The following PIK3C2B variants were observed in gnomAD, a reference collection of about 807,000 sequenced individuals.
PIK3C2B encodes phosphatidylinositol-4-phosphate 3-kinase catalytic subunit type 2 beta, also known as phosphatidylinositol 4-phosphate 3-kinase C2 domain-containing subunit beta.
A neutral mutation model predicts 184.3 loss-of-function variants in PIK3C2B; 83 were observed. That is an observed-to-expected ratio of 0.45 (90% CI 0.38 to 0.54). The LOEUF (loss-of-function observed/expected upper bound fraction) is 0.54. Ranked by LOEUF, PIK3C2B falls within the 20% of genes least tolerant of loss-of-function variation. The pLI is 0.00. For synonymous variants in PIK3C2B, 779 were observed against 837.6 expected (o/e 0.93, Z 1.21); for missense variants, 1,736 against 2,113.5 (o/e 0.82, Z 3.50).
chr1:204,468,048 A>C (rs1397851517), intron 2 of PIK3C2B, among the ~76,000 whole-genome samples: 6 of 152,132 alleles, frequency 3.9e-5, no homozygotes, highest in Admixed American at 6.5e-5. Flanking sequence ...GCTATTTTAC[A>C]CTATGTACTG....
chr1:204,476,562 A>AAATTT (rs1258836203), intron 1 of PIK3C2B, among the ~76,000 whole-genome samples: 1 of 152,162 alleles, frequency 6.6e-6, no homozygotes, highest in Non-Finnish European at 1.5e-5. Context: ...AAATTAAATT[A>AAATTT]AAATTTAAAT....
chr1:204,428,120 C>A lies in PIK3C2B; in HGVS notation c.4480+19G>T. The A allele has an allele frequency of 6.6e-7, 1 of 1,505,742 alleles. No homozygotes were observed. The highest frequency in any genetic ancestry group is 9.2e-7 in the Non-Finnish European group (1 of 1,082,192). The allele number at this position is 1,505,742 out of a possible 1,614,324, so 93.3% of individuals were successfully genotyped here. A position where few individuals can be genotyped will look rare whatever the true frequency, so the allele number is the denominator to read the frequency against. On this transcript the variant is annotated intron_variant, in intron 30 of 32. Coordinates refer to ENST00000684373, the MANE Select transcript of PIK3C2B (RefSeq NM_001377334.1). ...AGTTCAGAGGAGTTGGCAGTAAGGT[C>A]TCAGAGAAGATACTGTACCTGAGGA...
chr1:204,460,235 A>T, intron 7 of PIK3C2B, 89 bp downstream of exon 7: 1 of 1,068,212 alleles, frequency 9.4e-7, no homozygotes, highest in Non-Finnish European at 1.4e-6. Context: ...AGAATCCCTT[A>T]GCCCTGACAG....
At chr1:204,472,816 G>A (rs1191867758) in intron 1 of PIK3C2B, among the ~76,000 whole-genome samples, 1 of 152,092 alleles carries the variant, frequency 6.6e-6, no homozygotes, top group African/African-American at 2.4e-5. Flanking sequence ...ATACTCTCAA[G>A]AGATTCTGAT....
intron 18 of PIK3C2B, among the ~76,000 whole-genome samples, 155 bp downstream of exon 18, chr1:204,443,913 C>A (rs1191145277): frequency 6.6e-6 from 1 of 152,148 alleles, no homozygotes; most frequent in Non-Finnish European, 1.5e-5. Context: ...TGAGCTGAGA[C>A]CCCTGAGGAA....
At chr1:204,494,112 G>A (rs890646232) in intron 1 of PIK3C2B, among the ~76,000 whole-genome samples, 1 of 152,224 alleles carries the variant, frequency 6.6e-6, no homozygotes, top group Non-Finnish European at 1.5e-5. Flanking sequence ...AGCCCCAGAG[G>A]CCCTGAAGCT....
intron 1 of PIK3C2B, among the ~76,000 whole-genome samples, chr1:204,476,765 T>C (rs1366697570): frequency 6.6e-6 from 1 of 152,146 alleles, no homozygotes; most frequent in African/African-American, 2.4e-5. Context: ...CCCCACACAT[T>C]GTATTCTATG....
At chr1:204,468,748 G>A in intron 2 of PIK3C2B, 122 bp downstream of exon 2, 1 of 864,662 alleles carries the variant, frequency 1.2e-6, no homozygotes, top group East Asian at 2.7e-5. Flanking sequence ...GTCCCAAAGA[G>A]GGTAGGAGAG....
rs747037331 is a variant in PIK3C2B, at chr1:204,469,441, C to G, written c.362G>C (p.Gly121Ala). 1.9e-6 allele frequency: 3 copies of G among 1,574,630 alleles called. No individual in the cohort carries two copies. The African/African-American group carries it at 4.1e-5, about 21-fold the overall frequency. The change falls in exon 2 of 33, where the codon GGC (glycine) becomes GCC (alanine). Residue 121 changes from glycine to alanine, a missense_variant. Transcript: ENST00000684373. ...PQPGSDPWPK[G>A]SLSGDYLYIF... ...GTAGAGATAGTCTCCAGACAGGGAG[C>G]CTTTGGGCCAGGGATCTGAGCCAGG... is the stretch of plus-strand genomic sequence containing the variant.
chr1:204,486,417 C>G (rs1019650078), intron 1 of PIK3C2B, among the ~76,000 whole-genome samples: 35 of 134,900 alleles, frequency 2.6e-4, no homozygotes, highest in African/African-American at 8.0e-4. Flanking sequence ...AAAAAGAAAA[C>G]AAAACACAAC....
intron 1 of PIK3C2B, 56 bp downstream of exon 1, chr1:204,494,300 C>G (rs1272627306): frequency 2.0e-5 from 3 of 152,374 alleles, no homozygotes; most frequent in Non-Finnish European, 4.4e-5. Flanking sequence ...TGCCTCCACT[C>G]TGGGGGCACT....
intron 31 of PIK3C2B, among the ~76,000 whole-genome samples, chr1:204,426,605 T>C (rs960254108): frequency 1.3e-5 from 2 of 152,226 alleles, no homozygotes; most frequent in African/African-American, 4.8e-5. Flanking sequence ...TTCTATGCCA[T>C]ATATTTTACT....
At chr1:204,484,100 GAGAA>G (rs1308310064) in intron 1 of PIK3C2B, among the ~76,000 whole-genome samples, 1 of 152,236 alleles carries the variant, frequency 6.6e-6, no homozygotes, top group Non-Finnish European at 1.5e-5. Flanking sequence ...GAAAGGGAAA[GAGAA>G]GGAAGGCAGA....
At chr1:204,490,959 C>T (rs1215249680) in intron 1 of PIK3C2B, among the ~76,000 whole-genome samples, 2 of 152,314 alleles carry the variant, frequency 1.3e-5, no homozygotes, top group East Asian at 3.9e-4. Flanking sequence ...ACATCTCTTC[C>T]TTCCTTGGAA....
intron 20 of PIK3C2B, 124 bp from the exon 21 acceptor site, chr1:204,441,687 A>C: frequency 3.5e-6 from 2 of 577,940 alleles, no homozygotes; most frequent in Non-Finnish European, 6.2e-6. Context: ...AGACCTGCTC[A>C]TTGTTTCTTC....
chr1:204,432,271 T>C lies in PIK3C2B; in HGVS notation c.4084A>G (p.Lys1362Glu). ...LSFASRTHTL[K>E]SSGRISDVFL... ...ACATCACTGATTCGGCCAGAGCTCT[T>C]GAGAGTGTGTGTTCGGGAGGCAAAG... is the stretch of plus-strand genomic sequence containing the variant. The change falls in exon 27 of 33, where the codon AAG (lysine) becomes GAG (glutamate). Residue 1362 changes from lysine to glutamate, a missense_variant. Physicochemically the swap from Lys to Glu is moderately conservative, Grantham distance 56 (BLOSUM62 1). Transcript: ENST00000684373. The C allele has an allele frequency of 6.2e-7, 1 of 1,612,802 alleles. No homozygotes were observed.
chr1:204,429,692 C>T (rs1674935102), intron 29 of PIK3C2B, among the ~76,000 whole-genome samples: 1 of 149,196 alleles, frequency 6.7e-6, no homozygotes. Flanking sequence ...AGCCCATGTG[C>T]CTCGATGCAT....
chr1:204,457,285 C>A (rs1393315199), intron 9 of PIK3C2B, among the ~76,000 whole-genome samples: 1 of 152,232 alleles, frequency 6.6e-6, no homozygotes, highest in Non-Finnish European at 1.5e-5. Flanking sequence ...CGGGTCCACC[C>A]TTCTGAGATA....
chr1:204,469,898 G>A lies in PIK3C2B; in HGVS notation c.-84-12C>T, dbSNP rs557732727. The A allele has an allele frequency of 5.8e-5, 41 of 710,380 alleles. No homozygotes were observed. The South Asian group carries it at 6.9e-4, about 12-fold the overall frequency. 44.0% of individuals were successfully genotyped at this position (710,380 alleles called of 1,614,324 possible). A position where few individuals can be genotyped will look rare whatever the true frequency, so the allele number is the denominator to read the frequency against. On this transcript the variant is annotated splice_polypyrimidine_tract_variant and intron_variant, in intron 1 of 32. Coordinates refer to ENST00000684373, the MANE Select transcript of PIK3C2B (RefSeq NM_001377334.1). ...TGGTGTCTGGGCGCCTGCAGGTGAG[G>A]GGTAAAAATATCAATCAGTCACAAA...
Sources: allele counts gnomAD v4.1 joint callset (sites outside exome capture counted in the v4.1 genomes callset), GRCh38; gene constraint gnomAD v4.1.1; transcripts MANE v1.5; gene names NCBI Gene and HGNC (gene_info 2026-07-23, HGNC 2026-07-21).